ERG: variants seen among roughly 807,000 people sequenced by gnomAD.
The protein encoded by ERG is transcriptional regulator ERG.
A neutral mutation model predicts 55.3 loss-of-function variants in ERG; 9 were observed. The observed-to-expected ratio is 0.16, with a 90% confidence interval of 0.10 to 0.28. The LOEUF (loss-of-function observed/expected upper bound fraction) is 0.28, where lower values mean the gene tolerates loss of function less well. Ranked by LOEUF, ERG falls within the 10% of genes least tolerant of loss-of-function variation. The pLI is 1.00. For synonymous variants in ERG, 223 were observed against 237.3 expected, an observed-to-expected ratio of 0.94 and a Z score of 0.55; for missense variants, 434 against 631.6, an observed-to-expected ratio of 0.69 and a Z score of 3.35.
chr21:38,548,882 G>A (rs1325928290), intron 2 of ERG, among the ~76,000 whole-genome samples: 16 of 150,808 alleles, frequency 1.1e-4, no homozygotes, highest in African/African-American at 2.9e-4. Flanking sequence ...AGGCTGAGGC[G>A]GGCAGATCAC....
At chr21:38,415,422 G>C (rs1401586866) in intron 3 of ERG, among the ~76,000 whole-genome samples, 1 of 152,166 alleles carries the variant, frequency 6.6e-6, no homozygotes, top group African/African-American at 2.4e-5. Context: ...CCCAATGGTG[G>C]TTTCCTCAAC....
intron 6 of ERG, chr21:38,400,259 G>C: frequency 2.1e-6 from 1 of 480,310 alleles, no homozygotes; most frequent in South Asian, 1.9e-5. Flanking sequence ...CCCCGAGGAG[G>C]GACAGATCCT....
At position 38,399,166 on chromosome 21, in the gene ERG, G is replaced by T. The variant is rs912045117; in HGVS notation, c.745+1408C>A. On this transcript the variant is annotated intron_variant, in intron 6 of 9. Transcript: ENST00000288319. ...GGCCTGTGAAATCTTTTACATGACA[G>T]AGATGACTTACTACCTCTTAGTACC... is the stretch of plus-strand genomic sequence containing the variant. 2.0e-5 allele frequency among the ~76,000 whole-genome samples: 3 copies of T among 152,162 alleles called. No homozygotes were observed. The South Asian group carries it at 6.2e-4, about 32-fold the overall frequency.
intron 1 of ERG, among the ~76,000 whole-genome samples, chr21:38,598,826 G>T (rs991237823): frequency 6.6e-6 from 1 of 152,190 alleles, no homozygotes; most frequent in Non-Finnish European, 1.5e-5. Flanking sequence ...ATCAACCAAA[G>T]GAGGAGTTGG....
intron 2 of ERG, among the ~76,000 whole-genome samples, chr21:38,521,690 A>C (rs535434313): frequency 1.3e-5 from 2 of 152,356 alleles, no homozygotes; most frequent in East Asian, 3.9e-4. Flanking sequence ...CTAAAATAGT[A>C]ATCAGCTAAA....
chr21:38,413,170 G>T (rs569653677), intron 3 of ERG, among the ~76,000 whole-genome samples: 1 of 152,256 alleles, frequency 6.6e-6, no homozygotes, highest in Admixed American at 6.5e-5. Context: ...ACATAAGAAT[G>T]TGCTGCTCTG....
intron 2 of ERG, among the ~76,000 whole-genome samples, chr21:38,515,111 G>A (rs1244109397): frequency 6.6e-6 from 1 of 152,046 alleles, no homozygotes; most frequent in Middle Eastern, 3.4e-3. Flanking sequence ...TATATTCATG[G>A]ATTGAAAAAC....
intron 2 of ERG, among the ~76,000 whole-genome samples, chr21:38,427,112 GCAGCTCATGCCTGTAATCT>G (rs1212254325): frequency 2.0e-5 from 3 of 152,138 alleles, no homozygotes; most frequent in African/African-American, 7.2e-5. Flanking sequence ...GCTGGTTGCG[GCAGCTCATGCCTGTAATCT>G]CAGCACTTTG....
chr21:38,653,800 C>T (rs1366934711), intron 1 of ERG, among the ~76,000 whole-genome samples: 1 of 152,158 alleles, frequency 6.6e-6, no homozygotes, highest in African/African-American at 2.4e-5. Context: ...TTGTTTGGGA[C>T]AGTGCTCTCA....
At chr21:38,574,549 G>A (rs2059983060) in intron 2 of ERG, among the ~76,000 whole-genome samples, 1 of 152,208 alleles carries the variant, frequency 6.6e-6, no homozygotes, top group African/African-American at 2.4e-5. Context: ...AAAAGTAAAT[G>A]TGTGTGTATG....
At chr21:38,573,586 G>A (rs755382487) in intron 2 of ERG, among the ~76,000 whole-genome samples, 5 of 152,318 alleles carry the variant, frequency 3.3e-5, no homozygotes, top group South Asian at 4.1e-4. Context: ...ACCTTCCCTT[G>A]AACTTAATTA....
intron 2 of ERG, among the ~76,000 whole-genome samples, chr21:38,436,926 C>A (rs1479623140): frequency 1.4e-5 from 2 of 145,526 alleles, no homozygotes; most frequent in Non-Finnish European, 3.0e-5. Flanking sequence ...CAGAGTCTTG[C>A]TCTGTCACTG....
intron 1 of ERG, among the ~76,000 whole-genome samples, chr21:38,492,091 CT>C (rs2059341309): frequency 6.6e-6 from 1 of 152,136 alleles, no homozygotes; most frequent in Non-Finnish European, 1.5e-5. Flanking sequence ...CAGTAATTCA[CT>C]ATGTACAGCT....
Position 38,380,511 on chromosome 21 carries a change from A to G in ERG, c.*2892T>C, listed in dbSNP as rs1987375705. The G allele has an allele frequency of 2.8e-6, 3 of 1,065,472 alleles. No individual in the cohort carries two copies. In the African/African-American group the frequency reaches 4.9e-5, roughly 17 times the overall value. The allele number at this position is 1,065,472 out of a possible 1,614,324, so 66.0% of individuals were successfully genotyped here. A position where few individuals can be genotyped will look rare whatever the true frequency, so the allele number is the denominator to read the frequency against. ...AGACAAATCTCTTGCCAGCAGGAGTAAGATTGTACAGGAGTCTGAGTATAC... is the reference window on the plus strand; with the variant it reads ...AGACAAATCTCTTGCCAGCAGGAGTGAGATTGTACAGGAGTCTGAGTATAC... On this transcript the variant is annotated 3_prime_UTR_variant, in exon 10 of 10. Coordinates refer to ENST00000288319, the MANE Select transcript of ERG (RefSeq NM_182918.4).
intron 2 of ERG, among the ~76,000 whole-genome samples, chr21:38,531,068 AG>A (rs1324456130): frequency 6.6e-6 from 1 of 152,174 alleles, no homozygotes; most frequent in Non-Finnish European, 1.5e-5. Flanking sequence ...CAGGGAGAGC[AG>A]GCTTCAGGTT....
At chr21:38,647,642 A>T (rs979158388) in intron 1 of ERG, among the ~76,000 whole-genome samples, 1 of 152,238 alleles carries the variant, frequency 6.6e-6, no homozygotes, top group Non-Finnish European at 1.5e-5. Flanking sequence ...ATGTAACTAC[A>T]TTACAAAATG....
intron 1 of ERG, among the ~76,000 whole-genome samples, chr21:38,610,706 G>C (rs563365878): frequency 7.2e-4 from 109 of 152,286 alleles, no homozygotes; most frequent in Non-Finnish European, 1.1e-3. Flanking sequence ...GGAAACCTAC[G>C]GAGTAATACC....
Position 38,441,949 on chromosome 21 carries a change from A to G in ERG, c.236+3455T>C, listed in dbSNP as rs570311428. The stretch of plus-strand genomic sequence containing the variant: ...CCGGAGGACCCGGAGGATGAAGAGG[A>G]TGACATGATGGTCTTCACTCGGTAT... On this transcript the variant is annotated intron_variant, in intron 2 of 9. Transcript: ENST00000288319. Among the ~76,000 whole-genome samples the G allele has an allele frequency of 7.9e-5, 12 of 152,344 alleles. No homozygotes were observed. In the East Asian group the frequency reaches 1.4e-3, roughly 17 times the overall value.
intron 1 of ERG, among the ~76,000 whole-genome samples, chr21:38,623,780 T>G (rs973785915): frequency 3.3e-5 from 5 of 152,182 alleles, no homozygotes; most frequent in African/African-American, 1.2e-4. Context: ...AATGAATCTG[T>G]GCATGTGGGC....
Sources: gnomAD v4.1 joint callset for allele counts (sites outside exome capture counted in the v4.1 genomes callset) on GRCh38, gnomAD v4.1.1 for gene constraint, MANE v1.5 for transcripts, NCBI Gene and HGNC (gene_info 2026-07-23, HGNC 2026-07-21) for gene names.